The following KDM6A variants were observed in gnomAD, a reference collection of about 807,000 sequenced individuals.
KDM6A encodes the protein lysine-specific demethylase 6A.
KDM6A carries 11 observed loss-of-function variants against 117.6 expected under a neutral mutation model. That is an observed-to-expected ratio of 0.09 (90% CI 0.06 to 0.15). KDM6A has a LOEUF of 0.15. Ranked by LOEUF, KDM6A falls within the 10% of genes least tolerant of loss-of-function variation. The pLI, the probability that KDM6A is intolerant of heterozygous loss-of-function variation, is 1.00. For synonymous variants in KDM6A, 384 were observed against 396.1 expected (o/e 0.97, Z 0.36); for missense variants, 799 against 1,077.3 (o/e 0.74, Z 3.62).
At chrX:44,944,232 A>G (rs1178483537) in intron 2 of KDM6A, among the ~76,000 whole-genome samples, 3 of 110,380 alleles carry the variant, frequency 2.7e-5, no homozygotes, top group Non-Finnish European at 5.7e-5. Flanking sequence ...GGCGCCTGTA[A>G]TTCCAGCTAC....
At chrX:44,889,250 GGT>G (rs1247493575) in intron 2 of KDM6A, among the ~76,000 whole-genome samples, 1 of 111,952 alleles carries the variant, frequency 8.9e-6, no homozygotes, top group Non-Finnish European at 1.9e-5. Context: ...CCTGACCTCA[GGT>G]GATCCACTTA....
At chrX:45,081,339 G>A (rs941981738) in intron 21 of KDM6A, among the ~76,000 whole-genome samples, 2 of 112,248 alleles carry the variant, frequency 1.8e-5, no homozygotes, top group Non-Finnish European at 3.8e-5. Context: ...AAGGTCAGAA[G>A]TATTGCTAAC....
chrX:44,883,900 C>T (rs951766152), intron 2 of KDM6A, among the ~76,000 whole-genome samples: 1 of 109,300 alleles, frequency 9.1e-6, no homozygotes, highest in African/African-American at 3.3e-5. Flanking sequence ...GTCGGGAGTT[C>T]GAGACCAGCC....
At chrX:45,078,565 T>C (rs1229914966) in intron 20 of KDM6A, 60 bp downstream of exon 20, 2 of 921,798 alleles carry the variant, frequency 2.2e-6, no homozygotes, top group Non-Finnish European at 3.1e-6. Context: ...CTTTTAACTT[T>C]TCCAGCACTG....
chrX:45,061,295 A>G, intron 14 of KDM6A, 29 bp from the exon 15 acceptor site: 1 of 922,866 alleles, frequency 1.1e-6, no homozygotes, highest in Non-Finnish European at 1.6e-6. Context: ...AATATTCTTT[A>G]ATTTTTTTTT....
intron 10 of KDM6A, among the ~76,000 whole-genome samples, chrX:45,058,006 T>C (rs1213111746): frequency 9.2e-6 from 1 of 108,564 alleles, no homozygotes; most frequent in East Asian, 2.9e-4. Flanking sequence ...ACGTGCCATA[T>C]ACTGGCTGGC....
chrX:45,098,660 G>A (rs1159972806), intron 27 of KDM6A, among the ~76,000 whole-genome samples: 3 of 112,369 alleles, frequency 2.7e-5, no homozygotes, highest in Non-Finnish European at 5.6e-5. Context: ...CTTAGAAAAG[G>A]AGTCTGAGAT....
In KDM6A at chrX:44,985,315, C is replaced by T. The variant is rs756169542; in HGVS notation, c.384+10600C>T. 5.6e-3 allele frequency among the ~76,000 whole-genome samples: 623 copies of T among 111,578 alleles called. 4 individuals carry two copies. Among genetic ancestry groups the T allele is most frequent in the Non-Finnish European group, 9.1e-3 (481 of 53,137 alleles). Reference sequence around the variant, plus strand: ...AGCTTAAGGAGATTTTGGGCTGAAACGATGGGGTTTTCTAGATATACAATC... The same window carrying T: ...AGCTTAAGGAGATTTTGGGCTGAAATGATGGGGTTTTCTAGATATACAATC... On this transcript the variant is annotated intron_variant, in intron 4 of 29. Transcript: ENST00000611820.
At chrX:44,927,704 C>T (rs899589545) in intron 2 of KDM6A, among the ~76,000 whole-genome samples, 3 of 111,694 alleles carry the variant, frequency 2.7e-5, no homozygotes, top group African/African-American at 9.8e-5. Flanking sequence ...GGACAGAAGC[C>T]TTACTGGCAC....
At chrX:44,878,504 A>C (rs932552104) in intron 2 of KDM6A, among the ~76,000 whole-genome samples, 1 of 112,187 alleles carries the variant, frequency 8.9e-6, no homozygotes, top group Admixed American at 9.5e-5. Flanking sequence ...AGTCTTATAT[A>C]CTTGGTATTT....
At chrX:45,061,483 ATTTT>A (rs1161774144) in intron 15 of KDM6A, 64 bp downstream of exon 15, 592 of 232,188 alleles carry the variant, frequency 2.5e-3, no homozygotes, top group East Asian at 4.0e-3. Flanking sequence ...ACAAGTATTA[ATTTT>A]TTTTTTTTTT....
rs188538838 is a variant in KDM6A at position 45,051,863 on chromosome X, G to A, written c.748+61G>A. ...CTTCTCTTTATGTTTTTTCCATGTC[G>A]AGTGTGGCAAATATGTGGCTCATAT... is the stretch of plus-strand genomic sequence containing the variant. On this transcript the variant is annotated intron_variant, in intron 9 of 29. Coordinates refer to ENST00000611820, the MANE Select transcript of KDM6A (RefSeq NM_001291415.2). The A allele has an allele frequency of 1.3e-3, 848 of 647,586 alleles. 2 individuals are homozygous for A. Among genetic ancestry groups the A allele is most frequent in the Non-Finnish European group, 1.7e-3 (683 of 403,249 alleles). 53.4% of individuals were successfully genotyped at this position (647,586 alleles called of 1,213,427 possible).
At chrX:45,003,528 C>T (rs780254681) in intron 4 of KDM6A, among the ~76,000 whole-genome samples, 11 of 108,886 alleles carry the variant, frequency 1.0e-4, no homozygotes, top group Non-Finnish European at 1.9e-4. Context: ...AGGAAGGCTA[C>T]GAGTTGTCAG....
At chrX:45,001,848 G>C (rs1251389976) in intron 4 of KDM6A, among the ~76,000 whole-genome samples, 1 of 111,184 alleles carries the variant, frequency 9.0e-6, no homozygotes, top group African/African-American at 3.3e-5. Flanking sequence ...AGTCTCCGTA[G>C]TTAGCAGCAC....
chrX:45,030,149 C>T (rs950401732), intron 6 of KDM6A, among the ~76,000 whole-genome samples: 27 of 109,775 alleles, frequency 2.5e-4, no homozygotes, highest in Non-Finnish European at 4.2e-4. Flanking sequence ...CTCTGAATGG[C>T]GATAAGTCAT....
At position 45,071,622 on chromosome X, in the gene KDM6A, ATTAAT is replaced by A. The variant is rs925639266; in HGVS notation, c.2858+1270_2858+1274del. 3.6e-5 allele frequency among the ~76,000 whole-genome samples: 4 copies of A among 111,425 alleles called. No homozygotes were observed. The Admixed American group carries it at 3.8e-4, about 11-fold the overall frequency. ...AATGGAGTATGGAGAAGAAATTTCA[ATTAAT>A]TTAAATTTATCGCTTTAATTGTGAC... On this transcript the variant is annotated intron_variant, in intron 18 of 29. Coordinates refer to ENST00000611820, the MANE Select transcript of KDM6A (RefSeq NM_001291415.2).
chrX:44,890,812 G>A (rs947925586), intron 2 of KDM6A, among the ~76,000 whole-genome samples: 1 of 107,475 alleles, frequency 9.3e-6, no homozygotes, highest in Admixed American at 1.0e-4. Flanking sequence ...CCGCCACTAC[G>A]CACATCTAAT....
At chrX:45,057,607 G>A (rs1368011766) in intron 10 of KDM6A, among the ~76,000 whole-genome samples, 1 of 110,937 alleles carries the variant, frequency 9.0e-6, no homozygotes, top group African/African-American at 3.3e-5. Context: ...CTTTCAGTGT[G>A]CTATTCTGCT....
At chrX:44,936,007 G>T (rs2036945535) in intron 2 of KDM6A, among the ~76,000 whole-genome samples, 1 of 112,151 alleles carries the variant, frequency 8.9e-6, no homozygotes, top group Non-Finnish European at 1.9e-5. Context: ...TGTGGCTTCT[G>T]TAACAGATAA....
Sources: gnomAD v4.1 joint callset for allele counts (sites outside exome capture counted in the v4.1 genomes callset) on GRCh38, gnomAD v4.1.1 for gene constraint, MANE v1.5 for transcripts, NCBI Gene and HGNC (gene_info 2026-07-23, HGNC 2026-07-21) for gene names.